PPP3CA: variants seen among roughly 807,000 people sequenced by gnomAD.
PPP3CA encodes protein phosphatase 3 catalytic subunit alpha.
PPP3CA carries 14 observed loss-of-function variants against 66.5 expected under a neutral mutation model. The ratio of observed to expected loss-of-function variants is 0.21; its 90% CI spans 0.14 to 0.33. PPP3CA has a LOEUF of 0.33. PPP3CA is among the 10% of genes least tolerant of loss of function. The probability of loss-of-function intolerance (pLI) is 1.00; values close to 1 mark genes in which losing one functional copy is unlikely to be tolerated. For missense variants in PPP3CA, 317 were observed against 639.5 expected (o/e 0.50, Z 5.44); for synonymous variants, 232 against 226.2 (o/e 1.03, Z -0.23).
intron 2 of PPP3CA, among the ~76,000 whole-genome samples, chr4:101,153,198 C>G (rs1025356635): frequency 2.0e-5 from 3 of 152,060 alleles, no homozygotes; most frequent in African/African-American, 7.2e-5. Context: ...TGTGTAGGGA[C>G]AGTGGACTGA....
At chr4:101,290,752 C>G (rs1217933658) in intron 1 of PPP3CA, among the ~76,000 whole-genome samples, 3 of 152,166 alleles carry the variant, frequency 2.0e-5, no homozygotes, top group Non-Finnish European at 4.4e-5. Flanking sequence ...AATAAGGGTA[C>G]AGGTATGTGG....
At chr4:101,195,251 G>C (rs1478528897) in intron 2 of PPP3CA, among the ~76,000 whole-genome samples, 2 of 141,786 alleles carry the variant, frequency 1.4e-5, no homozygotes, top group Non-Finnish European at 3.0e-5. Flanking sequence ...CTGGTGACAA[G>C]AGTGAAACTT....
intron 1 of PPP3CA, among the ~76,000 whole-genome samples, chr4:101,210,283 C>T (rs1725260994): frequency 6.6e-6 from 1 of 152,170 alleles, no homozygotes. Flanking sequence ...TAATCAATTA[C>T]TCAGTACCCC....
At chr4:101,170,826 T>A (rs1209800019) in intron 2 of PPP3CA, among the ~76,000 whole-genome samples, 2 of 152,192 alleles carry the variant, frequency 1.3e-5, no homozygotes, top group East Asian at 3.8e-4. Context: ...TCAATTTATT[T>A]AAACTCTTAT....
intron 1 of PPP3CA, among the ~76,000 whole-genome samples, chr4:101,216,269 C>T (rs1036526751): frequency 4.6e-5 from 7 of 152,122 alleles, no homozygotes; most frequent in Admixed American, 1.3e-4. Flanking sequence ...CTCAAATAAA[C>T]TTAAATTACA....
intron 8 of PPP3CA, among the ~76,000 whole-genome samples, chr4:101,069,605 G>A (rs577166680): frequency 6.6e-6 from 1 of 152,294 alleles, no homozygotes; most frequent in South Asian, 2.1e-4. Context: ...TGTGTGTACT[G>A]TTGAGCACTG....
chr4:101,066,613 A>C (rs1728692030), intron 8 of PPP3CA, among the ~76,000 whole-genome samples: 1 of 152,188 alleles, frequency 6.6e-6, no homozygotes, highest in South Asian at 2.1e-4. Context: ...TACTTTTTGA[A>C]TAACCTTACA....
intron 2 of PPP3CA, among the ~76,000 whole-genome samples, chr4:101,170,915 C>T (rs1040317210): frequency 3.3e-5 from 5 of 152,092 alleles, no homozygotes; most frequent in Non-Finnish European, 5.9e-5. Context: ...TCAAGGAGCT[C>T]GCATTCTAGT....
chr4:101,094,393 C>T (rs1730102518), intron 5 of PPP3CA, among the ~76,000 whole-genome samples: 1 of 152,134 alleles, frequency 6.6e-6, no homozygotes, highest in Non-Finnish European at 1.5e-5. Flanking sequence ...AAAACAACTC[C>T]TAGTTTTCAT....
chr4:101,025,871 A>C lies in PPP3CA; in HGVS notation c.1560T>G (p.Ile520Met). 1.3e-6 allele frequency: 2 copies of C among 1,549,130 alleles called. No individual in the cohort carries two copies. The highest frequency in any genetic ancestry group is 2.0e-5 in the Admixed American group (1 of 50,616). Residue 520 changes from isoleucine to methionine, a missense_variant, in exon 14 of 14, where the codon ATT becomes ATG. Ile to Met is a conservative substitution (Grantham distance 10, BLOSUM62 1). Coordinates refer to ENST00000394854, the MANE Select transcript of PPP3CA (RefSeq NM_000944.5). Reference sequence around the variant, plus strand: ...AAAAGTGAACAGGAAGTGGTCACTGAATATTGCTGCTATTACTGCCATTGC... The same window carrying C: ...AAAAGTGAACAGGAAGTGGTCACTGCATATTGCTGCTATTACTGCCATTGC... ...TDSNGSNSSN[I>M]Q
chr4:101,028,278 T>C (rs1286943577), intron 13 of PPP3CA, among the ~76,000 whole-genome samples: 1 of 152,208 alleles, frequency 6.6e-6, no homozygotes. Flanking sequence ...TTCCAAAGGA[T>C]ATGGTATGTA....
intron 13 of PPP3CA, 80 bp from the exon 14 acceptor site, chr4:101,026,141 G>A: frequency 8.0e-7 from 1 of 1,252,886 alleles, no homozygotes; most frequent in Non-Finnish European, 1.1e-6. Context: ...AGCAGGTGAT[G>A]TTAGAGATTT....
intron 1 of PPP3CA, among the ~76,000 whole-genome samples, chr4:101,214,026 T>C (rs2850999): frequency 0.17 from 26,160 of 152,112 alleles, 3,315 homozygotes; most frequent in East Asian, 0.33. Context: ...TAAGACATTC[T>C]CAATCTGTAC....
Position 101,177,082 on chromosome 4 carries a change from C to T in PPP3CA, c.259+18834G>A, listed in dbSNP as rs915450430. Among the ~76,000 whole-genome samples the T allele has an allele frequency of 6.6e-5, 10 of 152,180 alleles. No individual in the cohort carries two copies. The East Asian group carries it at 1.2e-3, about 18-fold the overall frequency. ...ACATGTAGGAGTGGAAGTTTCATTA[C>T]GTTAACGACAGAAATCATTCTGGAT... On this transcript the variant is annotated intron_variant, in intron 2 of 13. Transcript: ENST00000394854.
intron 2 of PPP3CA, among the ~76,000 whole-genome samples, chr4:101,113,556 CAT>C (rs1721745968): frequency 6.6e-6 from 1 of 152,124 alleles, no homozygotes; most frequent in Admixed American, 6.6e-5. Context: ...GATAACACCA[CAT>C]GTCTTTGGGT....
At chr4:101,263,594 T>TG (rs1553936472) in intron 1 of PPP3CA, among the ~76,000 whole-genome samples, 1 of 99,642 alleles carries the variant, frequency 1.0e-5, no homozygotes, top group African/African-American at 3.5e-5. Context: ...TGATATCTAG[T>TG]GTTTTTTTTT....
chr4:101,240,050 G>GA (rs1553935007), intron 1 of PPP3CA, among the ~76,000 whole-genome samples: 5 of 150,662 alleles, frequency 3.3e-5, no homozygotes, highest in African/African-American at 7.3e-5. Context: ...GGGGGGAGCG[G>GA]GGGGGAGGTG....
intron 2 of PPP3CA, among the ~76,000 whole-genome samples, chr4:101,141,959 T>C (rs980392776): frequency 6.7e-6 from 1 of 149,406 alleles, no homozygotes. Context: ...TGCGGTACAA[T>C]AAAACTTAAC....
At chr4:101,205,455 A>G (rs766239496) in intron 1 of PPP3CA, among the ~76,000 whole-genome samples, 9 of 152,130 alleles carry the variant, frequency 5.9e-5, no homozygotes, top group African/African-American at 1.9e-4. Context: ...GAGTTGAACT[A>G]CTCGACAGAA....
Sources: gnomAD v4.1 joint callset for allele counts (sites outside exome capture counted in the v4.1 genomes callset) on GRCh38, gnomAD v4.1.1 for gene constraint, MANE v1.5 for transcripts, NCBI Gene and HGNC (gene_info 2026-07-23, HGNC 2026-07-21) for gene names.